Variants in CSNK1G2 observed in about 807,000 individuals in gnomAD.
CSNK1G2 encodes the protein casein kinase 1 gamma 2.
CSNK1G2 carries 11 observed loss-of-function variants against 48.0 expected under a neutral mutation model. The observed-to-expected ratio is 0.23, with a 90% confidence interval of 0.14 to 0.38. The LOEUF (loss-of-function observed/expected upper bound fraction) is 0.38. Ranked by LOEUF, CSNK1G2 falls within the 10% of genes least tolerant of loss-of-function variation. The pLI is 1.00. For synonymous variants in CSNK1G2, 337 were observed against 254.1 expected (o/e 1.33, Z -3.10); for missense variants, 446 against 595.5 (o/e 0.75, Z 2.61).
At chr19:1,961,145 G>A (rs912309436) in intron 1 of CSNK1G2, among the ~76,000 whole-genome samples, 1 of 152,258 alleles carries the variant, frequency 6.6e-6, no homozygotes, top group South Asian at 2.1e-4. Flanking sequence ...ACGGATGGAC[G>A]GGCTGTGACA....
chr19:1,979,144 T>G lies in CSNK1G2; in HGVS notation c.683-19T>G. The G allele has an allele frequency of 6.5e-7, 1 of 1,538,972 alleles. No homozygotes were observed. Among genetic ancestry groups the G allele is most frequent in the Non-Finnish European group, 8.7e-7 (1 of 1,145,878 alleles). On this transcript the variant is annotated intron_variant, in intron 6 of 11. Transcript: ENST00000255641. ...GCGGGCGCCCGGACCCCGCTGAGGC[T>G]GCGCCCCTGTCCCCGCAGAGCAGAG...
At chr19:1,947,910 C>A (rs1431673766) in intron 1 of CSNK1G2, among the ~76,000 whole-genome samples, 1 of 152,038 alleles carries the variant, frequency 6.6e-6, no homozygotes, top group South Asian at 2.1e-4. Flanking sequence ...ACCTCGCCCG[C>A]GGCCCTGGGC....
Position 1,978,819 on chromosome 19 carries a change from C to G in CSNK1G2, c.448-40C>G, listed in dbSNP as rs749207815. The G allele has an allele frequency of 5.0e-6, 8 of 1,587,774 alleles. 2 individuals carry two copies. In the African/African-American group the frequency reaches 1.1e-4, roughly 21 times the overall value. ...TGGCCCTGGAGGGGAGCGCGTGGGA[C>G]GGGGAGGGGCCCGGCCGACACCGCC... On this transcript the variant is annotated intron_variant, in intron 5 of 11. Coordinates refer to ENST00000255641, the MANE Select transcript of CSNK1G2 (RefSeq NM_001319.7). The surrounding 1 kb of genome is among the most constrained non-coding windows in gnomAD (Gnocchi z 7.3).
chr19:1,954,327 C>T lies in CSNK1G2; in HGVS notation c.-266+12909C>T, dbSNP rs1209919976. 1.5e-5 allele frequency: 3 copies of T among 206,224 alleles called. No homozygotes were observed. In the East Asian group the frequency reaches 3.6e-4, roughly 25 times the overall value. The allele number at this position is 206,224 out of a possible 1,614,324, so 12.8% of individuals were successfully genotyped here. Reference sequence around the variant, plus strand: ...GGGGCTCTTGGGTCCTGGGGCGCTGCAACCCCTCATTTTCTTTCCTTGGGG... The same window carrying T: ...GGGGCTCTTGGGTCCTGGGGCGCTGTAACCCCTCATTTTCTTTCCTTGGGG... On this transcript the variant is annotated intron_variant, in intron 1 of 11. Coordinates refer to ENST00000255641, the MANE Select transcript of CSNK1G2 (RefSeq NM_001319.7).
In CSNK1G2 at chr19:1,979,145, G is replaced by C; in HGVS notation, c.683-18G>C. 1.3e-6 allele frequency: 2 copies of C among 1,539,336 alleles called. No homozygotes were observed. Among genetic ancestry groups the C allele is most frequent in the South Asian group, 1.2e-5 (1 of 82,502 alleles). On this transcript the variant is annotated intron_variant, in intron 6 of 11. Transcript: ENST00000255641. ...CGGGCGCCCGGACCCCGCTGAGGCT[G>C]CGCCCCTGTCCCCGCAGAGCAGAGC...
intron 9 of CSNK1G2, 21 bp from the exon 10 acceptor site, chr19:1,979,731 C>T (rs1396477184): frequency 3.1e-6 from 5 of 1,604,612 alleles, no homozygotes; most frequent in East Asian, 4.5e-5. Flanking sequence ...CCCATCCTGA[C>T]CCCTGCTCCC....
At chr19:1,960,627 C>T (rs1394130909) in intron 1 of CSNK1G2, among the ~76,000 whole-genome samples, 1 of 152,174 alleles carries the variant, frequency 6.6e-6, no homozygotes, top group Non-Finnish European at 1.5e-5. Context: ...GTGGTTGACA[C>T]CTATAATCCC....
At chr19:1,949,488 T>C (rs995764827) in intron 1 of CSNK1G2, among the ~76,000 whole-genome samples, 1 of 152,236 alleles carries the variant, frequency 6.6e-6, no homozygotes, top group Non-Finnish European at 1.5e-5. Context: ...TCGCTCCTGT[T>C]CGTGGCTGAG....
intron 1 of CSNK1G2, among the ~76,000 whole-genome samples, 193 bp downstream of exon 1, chr19:1,941,611 G>T (rs1329833942): frequency 7.0e-6 from 1 of 143,806 alleles, no homozygotes; most frequent in Admixed American, 6.9e-5. Context: ...CACACTCAGG[G>T]CCCCACCGCC....
chr19:1,943,481 C>G (rs2014441809), intron 1 of CSNK1G2, among the ~76,000 whole-genome samples: 1 of 152,160 alleles, frequency 6.6e-6, no homozygotes, highest in South Asian at 2.1e-4. Flanking sequence ...AGTAATTACT[C>G]TGGGCTACAA....
chr19:1,953,507 C>T (rs1227759413), intron 1 of CSNK1G2: 1 of 532,962 alleles, frequency 1.9e-6, no homozygotes. Flanking sequence ...TTTGCATAAT[C>T]TGAATTTTGG....
chr19:1,946,698 C>T (rs1015473356), intron 1 of CSNK1G2, among the ~76,000 whole-genome samples: 4 of 151,542 alleles, frequency 2.6e-5, no homozygotes, highest in South Asian at 2.1e-4. Context: ...CTGCAAGCTC[C>T]GCCTCCCGGG....
rs763129581 is a variant in CSNK1G2 at position 1,979,487 on chromosome 19, C to G, written c.854-8C>G. The stretch of plus-strand genomic sequence containing the variant: ...CCCGCCGAGGCCCCGCTGGCGCTCT[C>G]TCTGCAGAGGAGATGGCCACGTACC... On this transcript the variant is annotated splice_region_variant and splice_polypyrimidine_tract_variant and intron_variant, in intron 8 of 11. Transcript: ENST00000255641. 2.8e-6 allele frequency: 4 copies of G among 1,423,892 alleles called. 1 individual carries two copies. In the South Asian group the frequency reaches 3.4e-5, roughly 12 times the overall value. 88.2% of individuals were successfully genotyped at this position (1,423,892 alleles called of 1,614,324 possible). A position where few individuals can be genotyped will look rare whatever the true frequency, so the allele number is the denominator to read the frequency against.
chr19:1,953,623 C>T, intron 1 of CSNK1G2: 4 of 421,018 alleles, frequency 9.5e-6, no homozygotes, highest in Non-Finnish European at 1.5e-5. Flanking sequence ...CAGCTTTTCC[C>T]TGGTCAGCTC....
At chr19:1,970,711 C>T (rs1010688113) in intron 2 of CSNK1G2, among the ~76,000 whole-genome samples, 10 of 152,168 alleles carry the variant, frequency 6.6e-5, no homozygotes, top group Non-Finnish European at 1.0e-4. Flanking sequence ...CTGGTGCTGC[C>T]GGAGCTCCTG....
rs151231200 is a variant in CSNK1G2 at position 1,942,958 on chromosome 19, C to T, written c.-266+1540C>T. ...GCAGGTACGCGCACGCCTGCCTTGA[C>T]GTCTCTAGGGCCGAGAGTGTTTTGC... On this transcript the variant is annotated intron_variant, in intron 1 of 11. Transcript: ENST00000255641. Among the ~76,000 whole-genome samples the T allele has an allele frequency of 1.8e-3, 270 of 152,288 alleles. 5 individuals carry two copies. Among genetic ancestry groups the T allele is most frequent in the East Asian group, 0.014 (72 of 5,176 alleles).
chr19:1,975,242 C>T (rs1175150459), intron 2 of CSNK1G2: 2 of 985,354 alleles, frequency 2.0e-6, no homozygotes, highest in African/African-American at 3.5e-5. Flanking sequence ...ATCCGCCTGC[C>T]CGTCAGGGAG....
chr19:1,948,294 C>A (rs1286842043), intron 1 of CSNK1G2, among the ~76,000 whole-genome samples: 1 of 151,932 alleles, frequency 6.6e-6, no homozygotes, highest in Admixed American at 6.6e-5. Flanking sequence ...GAGGCCGAGG[C>A]GGGTGGATCA....
At chr19:1,974,242 G>T (rs1219680233) in intron 2 of CSNK1G2, among the ~76,000 whole-genome samples, 1 of 152,150 alleles carries the variant, frequency 6.6e-6, no homozygotes, top group African/African-American at 2.4e-5. Context: ...CTGGAGGCTG[G>T]TGAGCCCCAG....
Sources: allele counts gnomAD v4.1 joint callset (sites outside exome capture counted in the v4.1 genomes callset), GRCh38; gene constraint gnomAD v4.1.1; non-coding constraint Gnocchi (gnomAD v3.1); transcripts MANE v1.5; gene names NCBI Gene and HGNC (gene_info 2026-07-23, HGNC 2026-07-21).